VEGFD: variants seen among roughly 807,000 people sequenced by gnomAD.
The protein encoded by VEGFD is vascular endothelial growth factor D, also known as c-fos induced growth factor (vascular endothelial growth factor D).
VEGFD carries 26 observed loss-of-function variants against 28.0 expected under a neutral mutation model. The observed-to-expected ratio is 0.93, with a 90% CI of 0.68 to 1.29. VEGFD has a LOEUF of 1.29. Among genes scored for constraint, VEGFD ranks in the 50% most tolerant of loss-of-function variants. The pLI, the probability that VEGFD is intolerant of heterozygous loss-of-function variation, is 0.00. For missense variants in VEGFD, 294 were observed against 273.4 expected (o/e 1.08, Z -0.53); for synonymous variants, 93 against 95.5 (o/e 0.97, Z 0.15).
At chrX:15,379,822 T>C (rs112433960) in intron 1 of VEGFD, among the ~76,000 whole-genome samples, 2,425 of 112,073 alleles carry the variant, frequency 0.022, 67 homozygotes, top group African/African-American at 0.073. Flanking sequence ...ACAAATACTA[T>C]ATTCTCATTC....
intron 2 of VEGFD, among the ~76,000 whole-genome samples, chrX:15,362,865 G>A (rs1224282265): frequency 1.8e-5 from 2 of 111,597 alleles, no homozygotes; most frequent in African/African-American, 6.5e-5. Context: ...ACATCCTTGA[G>A]TTAAATTTAT....
At chrX:15,351,415 G>C (rs1238978340) in intron 5 of VEGFD, among the ~76,000 whole-genome samples, 1 of 106,741 alleles carries the variant, frequency 9.4e-6, no homozygotes, top group African/African-American at 3.4e-5. Context: ...CACCGCGCCC[G>C]GCCGGCCCGG....
rs973739097 is a variant in VEGFD at position 15,382,651 on chromosome X, C to T, written c.90+1206G>A. 5.4e-5 allele frequency among the ~76,000 whole-genome samples: 6 copies of T among 111,534 alleles called. No individual in the cohort carries two copies. In the South Asian group the frequency reaches 2.3e-3, roughly 42 times the overall value. ...TTACAGTCAGATTCCCATTTACCTACAATCTGGCCTTGAGATCCAATATCA... is the reference window on the plus strand; with the variant it reads ...TTACAGTCAGATTCCCATTTACCTATAATCTGGCCTTGAGATCCAATATCA... On this transcript the variant is annotated intron_variant, in intron 1 of 6. Transcript: ENST00000297904.
Position 15,384,122 on chromosome X carries a change from G to A in VEGFD, c.-176C>T. The A allele has an allele frequency of 1.0e-5, 4 of 395,467 alleles. No homozygotes were observed. The highest frequency in any genetic ancestry group is 1.3e-5 in the Non-Finnish European group (3 of 225,729). 32.6% of individuals were successfully genotyped at this position (395,467 alleles called of 1,213,427 possible). ...AAATTATTTCAATTAGGCAAGGTACGCTTTTTTTGCACAATCTTAGGGGTG... is the reference window on the plus strand; with the variant it reads ...AAATTATTTCAATTAGGCAAGGTACACTTTTTTTGCACAATCTTAGGGGTG... On this transcript the variant is annotated 5_prime_UTR_variant, in exon 1 of 7. Transcript: ENST00000297904.
rs1439768778 is a variant in VEGFD, at chrX:15,355,286, A to G, written c.505T>C (p.Ser169Pro). Residue 169 changes from serine to proline, a missense_variant, in exon 4 of 7, where the codon TCA (serine) becomes CCA (proline). Coordinates refer to ENST00000297904, the MANE Select transcript of VEGFD (RefSeq NM_004469.5). ...SYISKQLFEI[S>P]VPLTSVPELV... Reference sequence around the variant, plus strand: ...TCAGGTACTGATGTCAAAGGCACTGATATCTCAAAGAGCTACAGCAGAGAA... The same window carrying G: ...TCAGGTACTGATGTCAAAGGCACTGGTATCTCAAAGAGCTACAGCAGAGAA... 4.2e-6 allele frequency: 5 copies of G among 1,191,600 alleles called. No homozygotes were observed. The highest frequency in any genetic ancestry group is 5.6e-6 in the Non-Finnish European group (5 of 887,157).
At chrX:15,368,593 T>C (rs750391824) in intron 1 of VEGFD, among the ~76,000 whole-genome samples, 1 of 112,553 alleles carries the variant, frequency 8.9e-6, no homozygotes, top group East Asian at 2.8e-4. Context: ...TTGATTTTTG[T>C]ATAATGAACT....
chrX:15,354,645 A>T (rs1922819406), intron 4 of VEGFD, among the ~76,000 whole-genome samples: 1 of 111,894 alleles, frequency 8.9e-6, no homozygotes, highest in Non-Finnish European at 1.9e-5. Flanking sequence ...ATTAATTTTA[A>T]GTCATTTTAA....
intron 1 of VEGFD, among the ~76,000 whole-genome samples, chrX:15,382,515 G>T (rs750678527): frequency 8.4e-4 from 93 of 111,172 alleles, no homozygotes; most frequent in African/African-American, 2.9e-3. Context: ...AACTCGAGGA[G>T]CCCAGCACAT....
intron 1 of VEGFD, among the ~76,000 whole-genome samples, chrX:15,378,044 G>A (rs1326528017): frequency 2.7e-5 from 3 of 111,998 alleles, no homozygotes; most frequent in Non-Finnish European, 3.8e-5. Context: ...TAAAATGAAA[G>A]CATAGGTAGC....
chrX:15,357,128 A>T (rs1466443869), intron 3 of VEGFD, among the ~76,000 whole-genome samples: 1 of 112,313 alleles, frequency 8.9e-6, no homozygotes, highest in Non-Finnish European at 1.9e-5. Context: ...CTGCTCTCAT[A>T]TGCGACATTT....
At chrX:15,346,856 G>C (rs1922562666) in intron 6 of VEGFD, among the ~76,000 whole-genome samples, 1 of 110,726 alleles carries the variant, frequency 9.0e-6, no homozygotes, top group African/African-American at 3.3e-5. Context: ...CCTTGAACCA[G>C]AGAGACGGAG....
chrX:15,361,139 A>C (rs1216068369), intron 2 of VEGFD, among the ~76,000 whole-genome samples: 1 of 112,221 alleles, frequency 8.9e-6, no homozygotes, highest in African/African-American at 3.2e-5. Flanking sequence ...TAGGGTTTGC[A>C]AATTCCGTGA....
chrX:15,370,961 C>A (rs1431954443), intron 1 of VEGFD, among the ~76,000 whole-genome samples: 1 of 110,073 alleles, frequency 9.1e-6, no homozygotes, highest in East Asian at 2.8e-4. Flanking sequence ...CAGCTGAGGG[C>A]CTCTCTCTTT....
At chrX:15,382,298 T>TAC (rs1923599840) in intron 1 of VEGFD, among the ~76,000 whole-genome samples, 1 of 90,186 alleles carries the variant, frequency 1.1e-5, no homozygotes, top group South Asian at 5.2e-4. Flanking sequence ...CCAGCCTGGG[T>TAC]GACAGAGTGA....
chrX:15,384,407 G>A lies in VEGFD; in HGVS notation c.-461C>T, dbSNP rs766451487. On this transcript the variant is annotated 5_prime_UTR_variant, in exon 1 of 7. Coordinates refer to ENST00000297904, the MANE Select transcript of VEGFD (RefSeq NM_004469.5). ...CCTTCATGGAAGCTTGCAGAAGCAT[G>A]TGTCTTAAATCTGACACAGATTTTG... 61 of 123,363 alleles carry A rather than the reference G, an allele frequency of 4.9e-4. No individual in the cohort carries two copies. Among genetic ancestry groups the A allele is most frequent in the Non-Finnish European group, 9.1e-4 (55 of 60,641 alleles). The allele number at this position is 123,363 out of a possible 1,213,427, so 10.2% of individuals were successfully genotyped here.
intron 1 of VEGFD, among the ~76,000 whole-genome samples, chrX:15,371,828 G>A (rs765127801): frequency 1.8e-5 from 2 of 112,197 alleles, no homozygotes; most frequent in African/African-American, 6.5e-5. Flanking sequence ...TTCTTTCAAC[G>A]TTAAAAAGAA....
intron 1 of VEGFD, among the ~76,000 whole-genome samples, chrX:15,368,002 G>GAAAGAAAGA (rs1172373107): frequency 2.5e-5 from 2 of 80,794 alleles, no homozygotes; most frequent in Non-Finnish European, 4.8e-5. Context: ...AAGAAAGAAA[G>GAAAGAAAGA]AAAGAAAGAA....
At chrX:15,361,848 GTTTT>G (rs201494745) in intron 2 of VEGFD, among the ~76,000 whole-genome samples, 2 of 109,471 alleles carry the variant, frequency 1.8e-5, no homozygotes, top group Non-Finnish European at 3.8e-5. Context: ...TTCTTTCTTT[GTTTT>G]TTTGTTTTGT....
At chrX:15,382,935 C>T (rs1923618611) in intron 1 of VEGFD, among the ~76,000 whole-genome samples, 3 of 111,852 alleles carry the variant, frequency 2.7e-5, no homozygotes, top group Non-Finnish European at 5.6e-5. Flanking sequence ...ACTGTATGTA[C>T]GTCTGTGCGT....
Sources: gnomAD v4.1 joint callset for allele counts (sites outside exome capture counted in the v4.1 genomes callset) on GRCh38, gnomAD v4.1.1 for gene constraint, MANE v1.5 for transcripts, NCBI Gene and HGNC (gene_info 2026-07-23, HGNC 2026-07-21) for gene names.